Variants in VPS35L observed in about 807,000 individuals in gnomAD.
VPS35L encodes VPS35 endosomal protein-sorting factor-like.
A neutral mutation model predicts 133.0 loss-of-function variants in VPS35L; 83 were observed. The observed-to-expected ratio is 0.62, with a 90% confidence interval of 0.52 to 0.75. VPS35L has a LOEUF of 0.75. VPS35L is among the 30% of genes least tolerant of loss of function. The probability of loss-of-function intolerance (pLI) is 0.00; values close to 1 mark genes in which losing one functional copy is unlikely to be tolerated. For missense variants in VPS35L, 1,083 were observed against 1,206.8 expected, an observed-to-expected ratio of 0.90 and a Z score of 1.52; for synonymous variants, 423 against 449.9, an observed-to-expected ratio of 0.94 and a Z score of 0.76.
At chr16:19,679,515 A>AT (rs1555507589) in intron 27 of VPS35L, among the ~76,000 whole-genome samples, 1 of 53,398 alleles carries the variant, frequency 1.9e-5, no homozygotes. Context: ...TTATTTATTT[A>AT]TTTTTTTGGA....
chr16:19,606,371 T>C (rs545347874), intron 9 of VPS35L, among the ~76,000 whole-genome samples: 4 of 152,342 alleles, frequency 2.6e-5, no homozygotes, highest in African/African-American at 9.6e-5. Context: ...ATAACTGCTA[T>C]CTTTTCCTGT....
chr16:19,570,881 A>ATTTTTTTTT (rs1567388851), intron 3 of VPS35L, among the ~76,000 whole-genome samples: 3 of 64,308 alleles, frequency 4.7e-5, no homozygotes, highest in Admixed American at 1.8e-4. Flanking sequence ...ATATATATAT[A>ATTTTTTTTT]TATATATATT....
chr16:19,681,263 C>T (rs1475242668), intron 27 of VPS35L, among the ~76,000 whole-genome samples: 1 of 152,138 alleles, frequency 6.6e-6, no homozygotes, highest in Non-Finnish European at 1.5e-5. Context: ...AGGAGGAAAG[C>T]GAGGCTGGGG....
In VPS35L at chr16:19,630,374, C is replaced by T. The variant is rs1442366178; in HGVS notation, c.1554+554C>T. On this transcript the variant is annotated intron_variant, in intron 18 of 30. Transcript: ENST00000417362. ...TTTGAGATGGAGTCTCGCTCTGTCG[C>T]CCAGGCTGGAGTGTGGTGGCGTGGT... Among the ~76,000 whole-genome samples the T allele has an allele frequency of 2.8e-5, 4 of 144,004 alleles. No individual in the cohort carries two copies. In the Admixed American group the frequency reaches 2.8e-4, roughly 10 times the overall value. 94.5% of individuals were successfully genotyped at this position (144,004 alleles called of 152,430 possible).
chr16:19,603,793 G>A (rs1156345016), intron 9 of VPS35L, among the ~76,000 whole-genome samples: 1 of 152,148 alleles, frequency 6.6e-6, no homozygotes, highest in African/African-American at 2.4e-5. Flanking sequence ...GGGCAATGAC[G>A]CAATCTCAGC....
intron 7 of VPS35L, chr16:19,587,528 C>T (rs967889951): frequency 2.0e-5 from 5 of 246,554 alleles, no homozygotes; most frequent in Non-Finnish European, 4.1e-5. Flanking sequence ...ACTTGATACT[C>T]AAGGTTGAGG....
chr16:19,578,962 C>T (rs917581796), intron 5 of VPS35L, 90 bp from the exon 6 acceptor site: 1 of 1,036,446 alleles, frequency 9.6e-7, no homozygotes, highest in Admixed American at 2.0e-5. Context: ...TGTCTTTATT[C>T]ACGATGAAGT....
intron 27 of VPS35L, among the ~76,000 whole-genome samples, chr16:19,669,997 G>T (rs1974822954): frequency 6.6e-6 from 1 of 151,454 alleles, no homozygotes; most frequent in Non-Finnish European, 1.5e-5. Context: ...TAGGAGTCTT[G>T]CTCTGTCACC....
chr16:19,561,084 T>C (rs1275353309), intron 1 of VPS35L, among the ~76,000 whole-genome samples: 1 of 151,756 alleles, frequency 6.6e-6, no homozygotes, highest in East Asian at 1.9e-4. Context: ...AAAATAAAAG[T>C]AGGGGCCAGG....
intron 14 of VPS35L, among the ~76,000 whole-genome samples, chr16:19,618,967 G>A (rs1597366826): frequency 7.1e-6 from 1 of 140,668 alleles, no homozygotes; most frequent in Non-Finnish European, 1.5e-5. Context: ...GTCTCACTCT[G>A]TCTCCCAGGC....
chr16:19,587,222 C>T (rs1411859857), intron 7 of VPS35L, among the ~76,000 whole-genome samples: 1 of 152,188 alleles, frequency 6.6e-6, no homozygotes, highest in African/African-American at 2.4e-5. Flanking sequence ...TCCCACCAGC[C>T]CTTTCCTCCA....
intron 26 of VPS35L, among the ~76,000 whole-genome samples, chr16:19,663,039 G>A (rs183085119): frequency 1.6e-4 from 25 of 152,240 alleles, no homozygotes; most frequent in African/African-American, 6.0e-4. Context: ...GCCGGGCACA[G>A]TGGCTCATGG....
chr16:19,668,614 G>A (rs1355091510), intron 26 of VPS35L, among the ~76,000 whole-genome samples: 2 of 152,022 alleles, frequency 1.3e-5, no homozygotes, highest in Non-Finnish European at 2.9e-5. Context: ...GTGTGTGTGT[G>A]TGTGTGCTGT....
intron 1 of VPS35L, among the ~76,000 whole-genome samples, chr16:19,564,635 G>A (rs1046832370): frequency 2.6e-5 from 4 of 152,122 alleles, no homozygotes; most frequent in East Asian, 1.9e-4. Flanking sequence ...CTGACCTCAC[G>A]TGATCCACCC....
intron 26 of VPS35L, among the ~76,000 whole-genome samples, chr16:19,668,767 C>T (rs1418212818): frequency 1.3e-5 from 2 of 152,192 alleles, no homozygotes; most frequent in Non-Finnish European, 2.9e-5. Flanking sequence ...AATTGCTTCT[C>T]TTTCCTTCCC....
chr16:19,636,609 G>A (rs1973629909), intron 19 of VPS35L, among the ~76,000 whole-genome samples: 1 of 152,174 alleles, frequency 6.6e-6, no homozygotes, highest in Admixed American at 6.5e-5. Context: ...GACCTAGTAA[G>A]CTGCCTAATT....
At chr16:19,620,542 C>T (rs1973044363) in intron 14 of VPS35L, among the ~76,000 whole-genome samples, 1 of 151,974 alleles carries the variant, frequency 6.6e-6, no homozygotes, top group Non-Finnish European at 1.5e-5. Flanking sequence ...TTTTAAAAAT[C>T]CTTCAATTGG....
intron 28 of VPS35L, 79 bp downstream of exon 28, chr16:19,682,469 TA>T (rs1359506059): frequency 6.9e-7 from 1 of 1,451,336 alleles, no homozygotes; most frequent in Non-Finnish European, 9.4e-7. Flanking sequence ...TTTTCTCTTT[TA>T]TTTTTTCCTC....
At chr16:19,559,035 G>C (rs979634619) in intron 1 of VPS35L, among the ~76,000 whole-genome samples, 1 of 151,958 alleles carries the variant, frequency 6.6e-6, no homozygotes, top group African/African-American at 2.4e-5. Flanking sequence ...GGAAGAAAAA[G>C]CTGTGTGGTC....
Sources: gnomAD v4.1 joint callset for allele counts (sites outside exome capture counted in the v4.1 genomes callset) on GRCh38, gnomAD v4.1.1 for gene constraint, MANE v1.5 for transcripts, NCBI Gene and HGNC (gene_info 2026-07-23, HGNC 2026-07-21) for gene names.